PDE7B: variants seen among roughly 807,000 people sequenced by gnomAD.
PDE7B encodes the protein phosphodiesterase 7B.
In PDE7B, 29 loss-of-function variants were observed where a neutral mutation model predicts 56.2. That is an observed-to-expected ratio of 0.52 (90% CI 0.38 to 0.70). The LOEUF (loss-of-function observed/expected upper bound fraction) is 0.70, where lower values mean the gene tolerates loss of function less well. Among genes scored for constraint, PDE7B ranks in the 30% least tolerant of loss-of-function variants. The pLI, the probability that PDE7B is intolerant of heterozygous loss-of-function variation, is 0.00. For synonymous variants in PDE7B, 197 were observed against 196.9 expected (o/e 1.00, Z 0.00); for missense variants, 490 against 565.0 (o/e 0.87, Z 1.35).
intron 3 of PDE7B, among the ~76,000 whole-genome samples, chr6:136,141,827 T>C (rs564708738): frequency 1.1e-4 from 17 of 152,316 alleles, no homozygotes; most frequent in Admixed American, 1.1e-3. Context: ...TTATCATTTT[T>C]TGATTGCGTC....
At chr6:136,003,544 C>A (rs188835774) in intron 2 of PDE7B, among the ~76,000 whole-genome samples, 1 of 152,260 alleles carries the variant, frequency 6.6e-6, no homozygotes, top group Non-Finnish European at 1.5e-5. Flanking sequence ...CACAGAAGTA[C>A]AAACTACCAT....
chr6:135,928,487 TTATATATATATATTTA>T (rs1227690507), intron 1 of PDE7B, among the ~76,000 whole-genome samples: 5,622 of 85,308 alleles, frequency 0.066, 486 homozygotes, highest in African/African-American at 0.18. Flanking sequence ...ATATATTTAT[TTATATATATATATTTA>T]TATATATATA....
At chr6:136,171,536 A>T (rs964618673) in intron 8 of PDE7B, among the ~76,000 whole-genome samples, 3 of 152,148 alleles carry the variant, frequency 2.0e-5, no homozygotes, top group African/African-American at 7.2e-5. Flanking sequence ...TAGACCAGAG[A>T]TTGTGAGGCT....
chr6:135,966,735 A>C (rs542602236), intron 2 of PDE7B, among the ~76,000 whole-genome samples: 181 of 152,278 alleles, frequency 1.2e-3, no homozygotes, highest in Non-Finnish European at 2.4e-3. Context: ...CTCTACTCCC[A>C]TCCCCTTTAA....
intron 2 of PDE7B, among the ~76,000 whole-genome samples, chr6:136,001,657 A>G (rs1445383960): frequency 6.6e-6 from 1 of 152,198 alleles, no homozygotes; most frequent in Non-Finnish European, 1.5e-5. Context: ...AGAAAAAAGA[A>G]TAAAAAGAAA....
chr6:136,120,857 C>G (rs1409833395), intron 3 of PDE7B, among the ~76,000 whole-genome samples: 1 of 152,142 alleles, frequency 6.6e-6, no homozygotes, highest in Non-Finnish European at 1.5e-5. Flanking sequence ...TCATCTAAGT[C>G]TTTACCATTG....
chr6:136,126,092 T>C (rs1025606838), intron 3 of PDE7B, among the ~76,000 whole-genome samples: 1 of 152,198 alleles, frequency 6.6e-6, no homozygotes, highest in African/African-American at 2.4e-5. Flanking sequence ...CTTGAAGGCC[T>C]ACGGATATGG....
At chr6:136,133,127 G>T (rs78705815) in intron 3 of PDE7B, among the ~76,000 whole-genome samples, 1 of 152,000 alleles carries the variant, frequency 6.6e-6, no homozygotes, top group African/African-American at 2.4e-5. Flanking sequence ...TTAGCTTCCA[G>T]TGCTTTCCCT....
At chr6:136,166,681 T>C (rs1778798824) in intron 8 of PDE7B, among the ~76,000 whole-genome samples, 1 of 152,134 alleles carries the variant, frequency 6.6e-6, no homozygotes, top group African/African-American at 2.4e-5. Context: ...ACCACACTCA[T>C]AATCCAATCC....
At chr6:136,191,435 G>A (rs1160541906) in intron 12 of PDE7B, among the ~76,000 whole-genome samples, 179 bp from the exon 13 acceptor site, 5 of 152,268 alleles carry the variant, frequency 3.3e-5, no homozygotes, top group African/African-American at 1.2e-4. Context: ...GGGAGGCCGA[G>A]GCGGGCGGAT....
At chr6:135,904,375 C>T (rs1029542282) in intron 1 of PDE7B, among the ~76,000 whole-genome samples, 1 of 152,150 alleles carries the variant, frequency 6.6e-6, no homozygotes, top group Non-Finnish European at 1.5e-5. Context: ...GGGAATCACC[C>T]AGAGATTCTC....
chr6:135,962,904 C>G (rs1774931368), intron 2 of PDE7B, among the ~76,000 whole-genome samples: 1 of 152,158 alleles, frequency 6.6e-6, no homozygotes, highest in South Asian at 2.1e-4. Context: ...CCATTGACAT[C>G]CAGCCCATGA....
At chr6:136,013,030 T>C (rs1775919489) in intron 2 of PDE7B, among the ~76,000 whole-genome samples, 1 of 152,192 alleles carries the variant, frequency 6.6e-6, no homozygotes, top group South Asian at 2.1e-4. Flanking sequence ...AGATGCAGGG[T>C]ATTTTTCAAA....
chr6:135,857,039 TCCC>T (rs2128183714), intron 1 of PDE7B, among the ~76,000 whole-genome samples: 1 of 114,614 alleles, frequency 8.7e-6, no homozygotes, highest in Non-Finnish European at 1.7e-5. Flanking sequence ...CCTCCCTCCC[TCCC>T]TCCCTCCCTC....
intron 1 of PDE7B, among the ~76,000 whole-genome samples, chr6:135,914,096 A>G (rs1270040881): frequency 6.6e-6 from 1 of 152,170 alleles, no homozygotes. Context: ...AAGCCTTGTC[A>G]CTTCTTCCTC....
At chr6:136,065,375 A>G (rs1399626005) in intron 2 of PDE7B, among the ~76,000 whole-genome samples, 1 of 152,206 alleles carries the variant, frequency 6.6e-6, no homozygotes, top group East Asian at 1.9e-4. Flanking sequence ...AGTCATACTA[A>G]TGATTATGAG....
intron 1 of PDE7B, among the ~76,000 whole-genome samples, chr6:135,869,698 G>GGAGACTT (rs1775336927): frequency 6.6e-6 from 1 of 152,174 alleles, no homozygotes; most frequent in Non-Finnish European, 1.5e-5. Flanking sequence ...TGCTGGCTGT[G>GGAGACTT]GAGACTTGGC....
chr6:136,043,817 A>G (rs912424596), intron 2 of PDE7B: 1 of 152,190 alleles, frequency 6.6e-6, no homozygotes, highest in Non-Finnish European at 1.5e-5. Flanking sequence ...ATTTAGATCA[A>G]CAGTGTTAAA....
chr6:136,107,952 C>A (rs529940940), intron 2 of PDE7B, among the ~76,000 whole-genome samples: 1 of 151,864 alleles, frequency 6.6e-6, no homozygotes, highest in Admixed American at 6.6e-5. Flanking sequence ...CATGGTGATA[C>A]CCTGTCTCTA....
Sources: allele counts gnomAD v4.1 joint callset (sites outside exome capture counted in the v4.1 genomes callset), GRCh38; gene constraint gnomAD v4.1.1; transcripts MANE v1.5; gene names NCBI Gene and HGNC (gene_info 2026-07-23, HGNC 2026-07-21).